Variants in RTTN observed in about 807,000 individuals in gnomAD.
RTTN encodes rotatin.
Under a neutral mutation model 269.2 loss-of-function variants are expected in RTTN, and 182 were observed. That is an observed-to-expected ratio of 0.68 (90% CI 0.60 to 0.76). The LOEUF (loss-of-function observed/expected upper bound fraction) is 0.76. RTTN is among the 30% of genes least tolerant of loss of function. The pLI is 0.00. For missense variants in RTTN, 2,545 were observed against 2,608.6 expected (o/e 0.98, Z 0.53); for synonymous variants, 1,006 against 963.5 (o/e 1.04, Z -0.82).
At chr18:70,152,701 G>C (rs1310343349) in intron 14 of RTTN, among the ~76,000 whole-genome samples, 1 of 151,984 alleles carries the variant, frequency 6.6e-6, no homozygotes, top group Admixed American at 6.6e-5. Context: ...CTCATTATCA[G>C]CAAGACCAAT....
intron 10 of RTTN, among the ~76,000 whole-genome samples, chr18:70,182,092 A>G (rs1479526100): frequency 1.1e-4 from 16 of 152,204 alleles, no homozygotes; most frequent in Non-Finnish European, 2.4e-4. Flanking sequence ...TATGTGAAAA[A>G]TCTCCTAAAA....
chr18:70,017,211 G>A (rs1331120858), intron 46 of RTTN, among the ~76,000 whole-genome samples, 196 bp downstream of exon 46: 1 of 152,068 alleles, frequency 6.6e-6, no homozygotes, highest in Non-Finnish European at 1.5e-5. Context: ...GACATGATTT[G>A]CTAACCTCAG....
In RTTN at chr18:70,024,714, C is replaced by T; in HGVS notation, c.5950+8G>A. On this transcript the variant is annotated splice_region_variant and intron_variant, in intron 44 of 48. Coordinates refer to ENST00000640769, the MANE Select transcript of RTTN (RefSeq NM_173630.4). The stretch of plus-strand genomic sequence containing the variant: ...ATATTATTGAAAGGCAGTATTGGAT[C>T]CTATTACCATTTGGAAAATTTGCAG... The T allele has an allele frequency of 1.9e-6, 3 of 1,610,880 alleles. No homozygotes were observed. In the East Asian group the frequency reaches 6.7e-5, roughly 36 times the overall value.
chr18:70,124,862 A>G (rs1486713705), intron 25 of RTTN, among the ~76,000 whole-genome samples: 3 of 152,052 alleles, frequency 2.0e-5, no homozygotes, highest in Non-Finnish European at 4.4e-5. Flanking sequence ...TCTGGTGAAA[A>G]ATGGAGAAAA....
chr18:70,168,796 G>A (rs1341158853), intron 12 of RTTN, 59 bp downstream of exon 12: 2 of 1,272,964 alleles, frequency 1.6e-6, no homozygotes, highest in African/African-American at 1.5e-5. Context: ...GAAAAGTATA[G>A]ATTAAATTTT....
intron 28 of RTTN, among the ~76,000 whole-genome samples, chr18:70,103,439 G>C (rs1038147513): frequency 3.3e-5 from 5 of 152,332 alleles, no homozygotes; most frequent in Non-Finnish European, 7.3e-5. Flanking sequence ...TTGGGATGCT[G>C]TTAATCTATA....
At chr18:70,015,482 G>T (rs1276235286) in intron 46 of RTTN, among the ~76,000 whole-genome samples, 3 of 152,118 alleles carry the variant, frequency 2.0e-5, no homozygotes, top group African/African-American at 7.2e-5. Flanking sequence ...TTTTAAGCTG[G>T]CTGACTCTGC....
intron 8 of RTTN, among the ~76,000 whole-genome samples, chr18:70,192,035 A>G (rs1192344290): frequency 6.6e-6 from 1 of 152,162 alleles, no homozygotes; most frequent in African/African-American, 2.4e-5. Context: ...CTCTTTACCA[A>G]CTGTTATGCT....
chr18:70,169,653 GC>G (rs1432970350), intron 11 of RTTN, among the ~76,000 whole-genome samples: 1 of 152,040 alleles, frequency 6.6e-6, no homozygotes, highest in Non-Finnish European at 1.5e-5. Context: ...ACAGAAGATA[GC>G]CCCTTAATTA....
chr18:70,148,767 T>C (rs1376797228), intron 17 of RTTN, 134 bp downstream of exon 17: 8 of 1,021,912 alleles, frequency 7.8e-6, no homozygotes, highest in African/African-American at 1.6e-5. Context: ...GTTTCACGCA[T>C]TGGTTTCCTC....
intron 21 of RTTN, among the ~76,000 whole-genome samples, chr18:70,137,814 T>G (rs554206724): frequency 1.3e-5 from 2 of 152,254 alleles, no homozygotes; most frequent in South Asian, 4.1e-4. Context: ...ATTACTGTGG[T>G]GTACTGTATA....
chr18:70,128,399 A>G lies in RTTN; in HGVS notation c.3102T>C (p.Asp1034=). The G allele has an allele frequency of 6.2e-7, 1 of 1,613,094 alleles. No individual in the cohort carries two copies. ...AWNLSWYHGS[D]NLLKQMNSET... ...CAGAGTTCATTTGCTTCAACAGATT[A>G]TCACTCCCATGATACCATGACAGGT... Residue 1034 remains aspartate, a synonymous_variant, in exon 24 of 49, where the codon GAT becomes GAC. Coordinates refer to ENST00000640769, the MANE Select transcript of RTTN (RefSeq NM_173630.4).
chr18:70,113,350 T>C (rs2059523343), intron 27 of RTTN, among the ~76,000 whole-genome samples: 1 of 152,086 alleles, frequency 6.6e-6, no homozygotes, highest in Non-Finnish European at 1.5e-5. Context: ...ACCAAAATGA[T>C]ACCAGTCTAC....
chr18:70,075,593 C>A (rs747209254), intron 32 of RTTN, 52 bp from the exon 33 acceptor site: 1 of 1,407,992 alleles, frequency 7.1e-7, no homozygotes, highest in Admixed American at 2.7e-5. Context: ...CCAACAATTT[C>A]CTTAAAAAGA....
At chr18:70,114,917 GAATT>G (rs2059565815) in intron 26 of RTTN, among the ~76,000 whole-genome samples, 1 of 151,762 alleles carries the variant, frequency 6.6e-6, no homozygotes, top group South Asian at 2.1e-4. Flanking sequence ...AATATAAACA[GAATT>G]AAAACAGTAC....
intron 19 of RTTN, among the ~76,000 whole-genome samples, chr18:70,141,882 G>C (rs936517735): frequency 2.0e-5 from 3 of 152,188 alleles, no homozygotes; most frequent in Non-Finnish European, 4.4e-5. Context: ...AGATGGTACA[G>C]ATTGAAAATA....
At chr18:70,137,472 A>T (rs544879875) in intron 21 of RTTN, among the ~76,000 whole-genome samples, 1 of 152,110 alleles carries the variant, frequency 6.6e-6, no homozygotes, top group East Asian at 1.9e-4. Context: ...TCTTCCTAAA[A>T]CACATACTCC....
At chr18:70,082,653 T>C (rs2058600647) in intron 32 of RTTN, among the ~76,000 whole-genome samples, 1 of 152,172 alleles carries the variant, frequency 6.6e-6, no homozygotes, top group Non-Finnish European at 1.5e-5. Context: ...CAACTGAATA[T>C]TGGCTCTGTT....
chr18:70,174,191 G>T (rs1365613084), intron 11 of RTTN, among the ~76,000 whole-genome samples: 14 of 148,326 alleles, frequency 9.4e-5, no homozygotes, highest in African/African-American at 3.2e-4. Flanking sequence ...GTTTTTTTCT[G>T]ATAGCATTTT....
Sources: allele counts gnomAD v4.1 joint callset (sites outside exome capture counted in the v4.1 genomes callset), GRCh38; gene constraint gnomAD v4.1.1; transcripts MANE v1.5; gene names NCBI Gene and HGNC (gene_info 2026-07-23, HGNC 2026-07-21).